Variants in JARID2 observed in about 807,000 individuals in gnomAD.
JARID2 encodes the protein jumonji and AT-rich interaction domain containing 2.
A neutral mutation model predicts 125.6 loss-of-function variants in JARID2; 21 were observed. The observed-to-expected ratio is 0.17, with a 90% CI of 0.12 to 0.24. The LOEUF is 0.24. JARID2 is among the 10% of genes least tolerant of loss of function. JARID2 has a pLI of 1.00. For synonymous variants in JARID2, 736 were observed against 661.6 expected (o/e 1.11, Z -1.73); for missense variants, 1,303 against 1,639.6 (o/e 0.79, Z 3.55).
At chr6:15,473,032 T>C (rs1290599877) in intron 5 of JARID2, among the ~76,000 whole-genome samples, 1 of 120,718 alleles carries the variant, frequency 8.3e-6, no homozygotes, top group African/African-American at 3.4e-5. Context: ...TGTGAGTTTT[T>C]AGCAAATGTG....
intron 1 of JARID2, among the ~76,000 whole-genome samples, chr6:15,350,948 G>C (rs1763408856): frequency 6.6e-6 from 1 of 151,634 alleles, no homozygotes; most frequent in South Asian, 2.1e-4. Context: ...TTCCAGGGTA[G>C]CTGGAGGCAG....
chr6:15,463,313 G>A (rs1025801730), intron 4 of JARID2, among the ~76,000 whole-genome samples: 22 of 152,232 alleles, frequency 1.4e-4, no homozygotes, highest in African/African-American at 4.8e-4. Flanking sequence ...GGTGTTCCAT[G>A]TGAGGAGTCA....
chr6:15,321,206 A>G (rs1029458803), intron 1 of JARID2, among the ~76,000 whole-genome samples: 4 of 152,198 alleles, frequency 2.6e-5, no homozygotes, highest in African/African-American at 9.6e-5. Flanking sequence ...TATACTATAT[A>G]TCAGTATAAT....
In JARID2 at chr6:15,322,826, C is replaced by T. The variant is rs563777030; in HGVS notation, c.46-51291C>T. On this transcript the variant is annotated intron_variant, in intron 1 of 17. Coordinates refer to ENST00000341776, the MANE Select transcript of JARID2 (RefSeq NM_004973.4). ...ATAGAGAAGAGGGGATAGTTGATTT[C>T]CTAAACCACTTCCAAATTATGTCTT... 9.7e-4 allele frequency among the ~76,000 whole-genome samples: 148 copies of T among 152,298 alleles called. 1 individual carries two copies. In the South Asian group the frequency reaches 0.014, roughly 15 times the overall value.
chr6:15,291,621 A>G (rs1761218350), intron 1 of JARID2, among the ~76,000 whole-genome samples: 1 of 152,180 alleles, frequency 6.6e-6, no homozygotes, highest in African/African-American at 2.4e-5. Context: ...AGTGTGTGGG[A>G]TGCGCAGCCA....
chr6:15,490,260 A>AT (rs35269654), intron 6 of JARID2, among the ~76,000 whole-genome samples: 58,470 of 151,512 alleles, frequency 0.39, 11,420 homozygotes, highest in East Asian at 0.5. Flanking sequence ...TGATATGTGG[A>AT]TTTTTTTTTG....
Position 15,507,432 on chromosome 6 carries a change from GC to G in JARID2, c.2731+18del. 1 of 1,611,558 alleles carries G rather than the reference GC, an allele frequency of 6.2e-7. No individual in the cohort carries two copies. ...GCTGTGCCTGGTAAGCCTGACTGTGGCCGCCTGCCTGTGGCAGCTGTGTCCA... is the reference window on the plus strand; with the variant it reads ...GCTGTGCCTGGTAAGCCTGACTGTGGCGCCTGCCTGTGGCAGCTGTGTCCA... On this transcript the variant is annotated intron_variant, in intron 11 of 17. Coordinates refer to ENST00000341776, the MANE Select transcript of JARID2 (RefSeq NM_004973.4).
At chr6:15,272,702 C>T (rs2127356649) in intron 1 of JARID2, among the ~76,000 whole-genome samples, 1 of 152,288 alleles carries the variant, frequency 6.6e-6, no homozygotes, top group Middle Eastern at 3.4e-3. Context: ...GGTGGTATTA[C>T]CTCAGGTTTA....
In JARID2 at chr6:15,496,201, C is replaced by A. The variant is rs148019312; in HGVS notation, c.976C>A (p.Arg326Ser). ...GAGVTSAKKM[R>S]EVRPSPSKTV... is the part of the protein sequence containing the mutation. ...AGGTGTAACCAGTGCCAAAAAGATG[C>A]GCGAGGTCAGACCTTCACCATCCAA... The change falls in exon 7 of 18, where the codon CGC becomes AGC. Residue 326 changes from arginine (R) to serine (S), a missense_variant. Around this residue, in one of 11 missense-constraint regions of JARID2, gnomAD observed 651 missense variants for 581.6 expected, o/e 1.12. Transcript: ENST00000341776. 6.2e-7 allele frequency: 1 copy of A among 1,613,964 alleles called. No homozygotes were observed. Among genetic ancestry groups the A allele is most frequent in the Non-Finnish European group, 8.5e-7 (1 of 1,180,012 alleles).
intron 1 of JARID2, among the ~76,000 whole-genome samples, chr6:15,273,475 G>A (rs1324786028): frequency 2.6e-5 from 4 of 152,216 alleles, no homozygotes; most frequent in African/African-American, 9.6e-5. Context: ...GCCAAGGTGG[G>A]TGGATCACCT....
In JARID2 at chr6:15,489,796, A is replaced by AGCGCCATGTGCTCATGCAGGGC; in HGVS notation, c.906+2255_906+2276dup. On this transcript the variant is annotated intron_variant, in intron 6 of 17. Transcript: ENST00000341776. ...GGCTCAGGGTAGAGTCCTTGCAGGG[A>AGCGCCATGTGCTCATGCAGGGC]GCGCCATGTGCTCATGCAGGGCATC... Among the ~76,000 whole-genome samples the AGCGCCATGTGCTCATGCAGGGC allele has an allele frequency of 2.0e-5, 3 of 152,282 alleles. No homozygotes were observed. In the Middle Eastern group the frequency reaches 0.01, roughly 518 times the overall value.
At chr6:15,497,640 G>C (rs894803763) in intron 7 of JARID2, among the ~76,000 whole-genome samples, 1 of 115,550 alleles carries the variant, frequency 8.7e-6, no homozygotes, top group African/African-American at 3.4e-5. Flanking sequence ...GACAGAGTGA[G>C]ATTCCGTCTC....
intron 1 of JARID2, among the ~76,000 whole-genome samples, chr6:15,313,296 A>G (rs1762076310): frequency 6.6e-6 from 1 of 152,188 alleles, no homozygotes; most frequent in African/African-American, 2.4e-5. Flanking sequence ...CTGAGTATGT[A>G]CACTGTAACA....
intron 2 of JARID2, among the ~76,000 whole-genome samples, chr6:15,405,971 G>T (rs892093065): frequency 1.3e-5 from 2 of 152,294 alleles, no homozygotes; most frequent in South Asian, 2.1e-4. Context: ...TCGCCAGCGG[G>T]GGGGTTAGAT....
intron 1 of JARID2, among the ~76,000 whole-genome samples, chr6:15,288,672 G>A (rs375374407): frequency 4.6e-5 from 7 of 152,218 alleles, no homozygotes; most frequent in East Asian, 3.8e-4. Flanking sequence ...TGTTTCACAT[G>A]TATTATATCA....
At chr6:15,255,026 A>G (rs1759605365) in intron 1 of JARID2, among the ~76,000 whole-genome samples, 2 of 147,002 alleles carry the variant, frequency 1.4e-5, no homozygotes, top group African/African-American at 2.5e-5. Flanking sequence ...AACAAAAAAC[A>G]AAAAAAAAAC....
intron 2 of JARID2, among the ~76,000 whole-genome samples, chr6:15,394,468 C>T (rs1404792633): frequency 1.3e-5 from 2 of 152,000 alleles, no homozygotes; most frequent in African/African-American, 2.4e-5. Flanking sequence ...GGTGTGGTGG[C>T]GCCTACCTGT....
chr6:15,501,666 T>C (rs1770742352), intron 8 of JARID2, among the ~76,000 whole-genome samples: 1 of 152,064 alleles, frequency 6.6e-6, no homozygotes, highest in Non-Finnish European at 1.5e-5. Flanking sequence ...TCGAGGAACC[T>C]AGTGAGGGCC....
intron 1 of JARID2, among the ~76,000 whole-genome samples, chr6:15,363,646 G>C (rs1763875152): frequency 6.6e-6 from 1 of 152,152 alleles, no homozygotes; most frequent in Non-Finnish European, 1.5e-5. Flanking sequence ...TCACACCTCT[G>C]AACCTCAGTT....
Sources: allele counts gnomAD v4.1 joint callset (sites outside exome capture counted in the v4.1 genomes callset), GRCh38; gene constraint gnomAD v4.1.1; regional missense constraint gnomAD v4.1.1; transcripts MANE v1.5; gene names NCBI Gene and HGNC (gene_info 2026-07-23, HGNC 2026-07-21).